The following KANSL2 variants were observed in gnomAD, a reference collection of about 807,000 sequenced individuals.
KANSL2 encodes the protein NSL complex protein NSL2.
In KANSL2, 34 loss-of-function variants were observed where a neutral mutation model predicts 55.6. That is an observed-to-expected ratio of 0.61 (90% CI 0.46 to 0.81). KANSL2 has a LOEUF of 0.81. Ranked by LOEUF, KANSL2 falls within the 40% of genes least tolerant of loss-of-function variation. The pLI is 0.00. For synonymous variants in KANSL2, 209 were observed against 214.3 expected, an observed-to-expected ratio of 0.98 and a Z score of 0.22; for missense variants, 502 against 609.9, an observed-to-expected ratio of 0.82 and a Z score of 1.86.
Position 48,666,129 on chromosome 12 carries a change from G to A in KANSL2, c.973+1564C>T, listed in dbSNP as rs560665122. On this transcript the variant is annotated intron_variant, in intron 7 of 9. Transcript: ENST00000420613. The stretch of plus-strand genomic sequence containing the variant: ...CTCTGGTGGCTGAGGTGGGAAGATC[G>A]TTTAAGCCCAGCAGATCACGGCAGT... 5.0e-4 allele frequency among the ~76,000 whole-genome samples: 76 copies of A among 152,256 alleles called. 1 individual carries two copies. The Middle Eastern group carries it at 0.02, about 41-fold the overall frequency.
At position 48,653,915 on chromosome 12, in the gene KANSL2, C is replaced by T. The variant is rs1197076663; in HGVS notation, c.*129G>A. ...CCTCAAAATTTGGCTTTACGTTTGACTATAATACTCAATCCAGAAGAAAAA... is the reference window on the plus strand; with the variant it reads ...CCTCAAAATTTGGCTTTACGTTTGATTATAATACTCAATCCAGAAGAAAAA... On this transcript the variant is annotated 3_prime_UTR_variant, in exon 10 of 10. Coordinates refer to ENST00000420613, the MANE Select transcript of KANSL2 (RefSeq NM_017822.4). 1.3e-5 allele frequency: 13 copies of T among 1,015,970 alleles called. No homozygotes were observed. Among genetic ancestry groups the T allele is most frequent in the African/African-American group, 3.3e-5 (2 of 60,490 alleles). 62.9% of individuals were successfully genotyped at this position (1,015,970 alleles called of 1,614,324 possible).
At chr12:48,662,884 T>A (rs946768379) in intron 7 of KANSL2, among the ~76,000 whole-genome samples, 3 of 151,968 alleles carry the variant, frequency 2.0e-5, no homozygotes, top group Non-Finnish European at 4.4e-5. Context: ...ATGCTCGCCT[T>A]AAAAAAACAA....
chr12:48,671,408 T>C (rs1273003184), intron 5 of KANSL2, among the ~76,000 whole-genome samples: 3 of 152,162 alleles, frequency 2.0e-5, no homozygotes, highest in Admixed American at 6.6e-5. Flanking sequence ...TAAATAATAA[T>C]GTGCTAGGCC....
chr12:48,681,235 A>G, intron 2 of KANSL2, 147 bp downstream of exon 2: 1 of 824,868 alleles, frequency 1.2e-6, no homozygotes, highest in Non-Finnish European at 1.8e-6. Context: ...TCCAGTCTTC[A>G]CCGTTTTTTC....
rs1214222143 is a variant in KANSL2 at position 48,653,368 on chromosome 12, C to T, written c.*676G>A. The T allele has an allele frequency of 1.3e-5, 2 of 152,512 alleles. No homozygotes were observed. Among genetic ancestry groups the T allele is most frequent in the African/African-American group, 2.4e-5 (1 of 41,404 alleles). 9.4% of individuals were successfully genotyped at this position (152,512 alleles called of 1,614,324 possible). A position where few individuals can be genotyped will look rare whatever the true frequency, so the allele number is the denominator to read the frequency against. ...CCCATCAGAGACAGGTCCCCAAAAC[C>T]GCGAAAAAGAAACTATATTCTCAAA... On this transcript the variant is annotated 3_prime_UTR_variant, in exon 10 of 10. Transcript: ENST00000420613.
chr12:48,660,395 T>C lies in KANSL2; in HGVS notation c.1198A>G (p.Thr400Ala), dbSNP rs758144695. 6.2e-7 allele frequency: 1 copy of C among 1,613,810 alleles called. No homozygotes were observed. Among genetic ancestry groups the C allele is most frequent in the African/African-American group, 1.3e-5 (1 of 74,924 alleles). The change falls in exon 8 of 10, where the codon ACT becomes GCT. Residue 400 changes from threonine to alanine, a missense_variant. Coordinates refer to ENST00000420613, the MANE Select transcript of KANSL2 (RefSeq NM_017822.4). ...CTGAACTCCAGAGGTAAACTCTCAGTGGGCTGAAGCTCAGCAGCACTCAAG... is the reference window on the plus strand; with the variant it reads ...CTGAACTCCAGAGGTAAACTCTCAGCGGGCTGAAGCTCAGCAGCACTCAAG... ...LYLSAAELQP[T>A]ESLPLEFSDD...
At chr12:48,656,687 T>G (rs2137174436) in intron 8 of KANSL2, 1 of 517,468 alleles carries the variant, frequency 1.9e-6, no homozygotes, top group East Asian at 5.5e-5. Flanking sequence ...CGCACTGGAA[T>G]ACTGAATAGC....
At chr12:48,675,247 A>C (rs1285391191) in intron 4 of KANSL2, among the ~76,000 whole-genome samples, 1 of 151,884 alleles carries the variant, frequency 6.6e-6, no homozygotes, top group Non-Finnish European at 1.5e-5. Context: ...ATACAAAAAA[A>C]AGAAAGAAAT....
In KANSL2 at chr12:48,672,360, T is replaced by C. The variant is rs191138259; in HGVS notation, c.546-398A>G. Among the ~76,000 whole-genome samples the C allele has an allele frequency of 3.2e-4, 47 of 147,040 alleles. 1 individual carries two copies. The East Asian group carries it at 8.6e-3, about 27-fold the overall frequency. Reference sequence around the variant, plus strand: ...AACATGTATCTTTCACATATACATATATACATGTATATATACGTATATATA... The same window carrying C: ...AACATGTATCTTTCACATATACATACATACATGTATATATACGTATATATA... On this transcript the variant is annotated intron_variant, in intron 4 of 9. Transcript: ENST00000420613.
In KANSL2 at chr12:48,660,357, C is replaced by G. The variant is rs1430114716; in HGVS notation, c.1227+9G>C. The G allele has an allele frequency of 6.2e-7, 1 of 1,613,516 alleles. No individual in the cohort carries two copies. Among genetic ancestry groups the G allele is most frequent in the Non-Finnish European group, 8.5e-7 (1 of 1,179,524 alleles). On this transcript the variant is annotated intron_variant, in intron 8 of 9. Transcript: ENST00000420613. ...GGGCCTGAACCAAAGCAGAGCTTCTCTAACTTACATCACTGAACTCCAGAG... is the reference window on the plus strand; with the variant it reads ...GGGCCTGAACCAAAGCAGAGCTTCTGTAACTTACATCACTGAACTCCAGAG...
intron 5 of KANSL2, among the ~76,000 whole-genome samples, chr12:48,671,584 C>T (rs763169720): frequency 6.6e-6 from 1 of 152,154 alleles, no homozygotes; most frequent in Non-Finnish European, 1.5e-5. Context: ...TACAACTGCC[C>T]ACAGTATTCA....
chr12:48,655,671 G>C (rs1939365995), intron 8 of KANSL2, among the ~76,000 whole-genome samples: 1 of 152,098 alleles, frequency 6.6e-6, no homozygotes, highest in Non-Finnish European at 1.5e-5. Flanking sequence ...TGTTTAAAAA[G>C]TACAAAGTTT....
intron 4 of KANSL2, among the ~76,000 whole-genome samples, chr12:48,676,653 C>T (rs949761652): frequency 6.6e-6 from 1 of 151,330 alleles, no homozygotes; most frequent in African/African-American, 2.4e-5. Flanking sequence ...AGTGAAACTT[C>T]GTGTCAAAAA....
intron 7 of KANSL2, among the ~76,000 whole-genome samples, chr12:48,665,572 CAAAT>C (rs1047882532): frequency 8.5e-5 from 13 of 152,138 alleles, no homozygotes; most frequent in African/African-American, 2.9e-4. Context: ...TCAAAAAAAA[CAAAT>C]AAAGAAAATA....
chr12:48,672,424 T>TAG (rs1446256244), intron 4 of KANSL2, among the ~76,000 whole-genome samples: 1 of 112,462 alleles, frequency 8.9e-6, no homozygotes, highest in East Asian at 2.1e-4. Flanking sequence ...TATATATATA[T>TAG]ATATATATAT....
At chr12:48,672,431 A>ATTTTTTT (rs1449179261) in intron 4 of KANSL2, among the ~76,000 whole-genome samples, 5 of 114,904 alleles carry the variant, frequency 4.4e-5, no homozygotes, top group African/African-American at 1.5e-4. Flanking sequence ...ATATATATAT[A>ATTTTTTT]TATTTTTTTT....
At chr12:48,681,967 C>T (rs778587990) in intron 1 of KANSL2, 1 of 702,988 alleles carries the variant, frequency 1.4e-6, no homozygotes, top group Non-Finnish European at 2.6e-6. Context: ...TTTGTCCCGG[C>T]CTGCCTCAGA....
intron 7 of KANSL2, chr12:48,662,410 C>A: frequency 1.1e-6 from 1 of 910,364 alleles, no homozygotes; most frequent in Admixed American, 5.4e-5. Flanking sequence ...TGGCCAAGAA[C>A]TTTTTTTTAT....
At chr12:48,679,868 C>T in intron 2 of KANSL2, 35 bp from the exon 3 acceptor site, 1 of 1,518,960 alleles carries the variant, frequency 6.6e-7, no homozygotes, top group Non-Finnish European at 8.9e-7. Context: ...TTATAAGTTC[C>T]TTCTTGAAAG....
Sources: allele counts gnomAD v4.1 joint callset (sites outside exome capture counted in the v4.1 genomes callset), GRCh38; gene constraint gnomAD v4.1.1; transcripts MANE v1.5; gene names NCBI Gene and HGNC (gene_info 2026-07-23, HGNC 2026-07-21).